The following ZNF846 variants were observed in gnomAD, a reference collection of about 807,000 sequenced individuals.
ZNF846 encodes zinc finger protein 420 pseudogene.
ZNF846 carries 15 observed loss-of-function variants against 16.0 expected under a neutral mutation model. The observed-to-expected ratio is 0.94, with a 90% confidence interval of 0.63 to 1.45. The LOEUF is 1.45. Among genes scored for constraint, ZNF846 ranks in the 40% most tolerant of loss-of-function variants. ZNF846 has a pLI of 0.00. For missense variants in ZNF846, 714 were observed against 622.3 expected, an observed-to-expected ratio of 1.15 and a Z score of -1.57; for synonymous variants, 229 against 212.0, an observed-to-expected ratio of 1.08 and a Z score of -0.70.
intron 1 of ZNF846, chr19:9,774,733 C>T: frequency 3.9e-6 from 6 of 1,548,710 alleles, no homozygotes; most frequent in South Asian, 1.1e-5. Flanking sequence ...ACCCAAATAT[C>T]GACGAAAAGG....
downstream of ZNF846, among the ~76,000 whole-genome samples, chr19:9,751,102 T>C (rs2045080296): frequency 6.6e-6 from 1 of 152,088 alleles, no homozygotes; most frequent in African/African-American, 2.4e-5. Flanking sequence ...ATACCTGTCT[T>C]CCTCCTTCTC....
chr19:9,774,800 G>A (rs1260947257), intron 1 of ZNF846: 6 of 1,600,138 alleles, frequency 3.7e-6, no homozygotes, highest in South Asian at 3.3e-5. Flanking sequence ...AACCAAAACC[G>A]ACCAAGTAAT....
chr19:9,759,812 T>C (rs1397809874), intron 5 of ZNF846, 48 bp downstream of exon 5: 1 of 1,411,868 alleles, frequency 7.1e-7, no homozygotes, highest in African/African-American at 1.5e-5. Flanking sequence ...TCATGAATAT[T>C]GTGCTTCTTG....
chr19:9,749,063 C>T (rs1484903542), downstream of ZNF846, among the ~76,000 whole-genome samples: 2 of 152,122 alleles, frequency 1.3e-5, no homozygotes, highest in South Asian at 2.1e-4. Flanking sequence ...GGACCCTCCC[C>T]ATTGGGTTCA....
At chr19:9,779,873 A>G (rs1447728360) in intron 1 of ZNF846, among the ~76,000 whole-genome samples, 1 of 148,866 alleles carries the variant, frequency 6.7e-6, no homozygotes, top group Non-Finnish European at 1.5e-5. Context: ...ACGCCCGGCC[A>G]TCACGACTTT....
chr19:9,756,303 G>A (rs191146087), downstream of ZNF846: 11 of 142,132 alleles, frequency 7.7e-5, no homozygotes, highest in East Asian at 2.0e-3. Flanking sequence ...ATACATACGT[G>A]TGTGTATGTG....
downstream of ZNF846, among the ~76,000 whole-genome samples, chr19:9,755,190 TG>T (rs1309957115): frequency 6.6e-6 from 1 of 151,494 alleles, no homozygotes; most frequent in African/African-American, 2.4e-5. Context: ...TAACATCCAC[TG>T]TACAGTCCAC....
At chr19:9,774,532 G>C in intron 1 of ZNF846, 1 of 1,374,650 alleles carries the variant, frequency 7.3e-7, no homozygotes, top group Non-Finnish European at 1.0e-6. Flanking sequence ...AGAGCTTGAG[G>C]AAATCTGCAA....
At chr19:9,776,446 G>C (rs1430259906) in intron 1 of ZNF846, among the ~76,000 whole-genome samples, 1 of 152,216 alleles carries the variant, frequency 6.6e-6, no homozygotes, top group African/African-American at 2.4e-5. Context: ...GGCATAAGCT[G>C]TCTTTCTCTC....
downstream of ZNF846, among the ~76,000 whole-genome samples, chr19:9,754,017 C>A (rs1273147311): frequency 6.6e-6 from 1 of 151,496 alleles, no homozygotes; most frequent in Non-Finnish European, 1.5e-5. Context: ...GTCTATTTTT[C>A]CCTTTAATTT....
intron 1 of ZNF846, among the ~76,000 whole-genome samples, chr19:9,781,079 C>T (rs962775699): frequency 5.9e-5 from 9 of 152,182 alleles, no homozygotes; most frequent in African/African-American, 2.2e-4. Flanking sequence ...TCCTACACAT[C>T]TTTCAGAACT....
chr19:9,755,467 G>C (rs1179019457), downstream of ZNF846: 1 of 151,418 alleles, frequency 6.6e-6, no homozygotes. Flanking sequence ...TATTCTTCCA[G>C]TGAGTATTTT....
downstream of ZNF846, chr19:9,757,408 T>G: frequency 6.1e-6 from 8 of 1,318,702 alleles, no homozygotes; most frequent in Non-Finnish European, 8.3e-6. Context: ...GTTGTTCATA[T>G]TCTTTACCTT....
chr19:9,782,798 A>T (rs1287807567), intron 1 of ZNF846, among the ~76,000 whole-genome samples: 1 of 152,238 alleles, frequency 6.6e-6, no homozygotes, highest in African/African-American at 2.4e-5. Flanking sequence ...ATAGGACACC[A>T]TATGCATTTG....
downstream of ZNF846, among the ~76,000 whole-genome samples, chr19:9,754,812 TC>T (rs1255637459): frequency 2.0e-5 from 3 of 151,398 alleles, no homozygotes; most frequent in East Asian, 1.9e-4. Flanking sequence ...CATCTTTTTT[TC>T]GTCTCATTTT....
At chr19:9,749,634 C>CCAG (rs2045068952), downstream of ZNF846, among the ~76,000 whole-genome samples, 1 of 150,774 alleles carries the variant, frequency 6.6e-6, no homozygotes, top group African/African-American at 2.4e-5. Context: ...CTAGTTACCT[C>CCAG]CAGCATAGTA....
At chr19:9,783,539 A>AT (rs1475513810) in intron 1 of ZNF846, among the ~76,000 whole-genome samples, 186 of 123,926 alleles carry the variant, frequency 1.5e-3, no homozygotes, top group South Asian at 5.8e-3. Context: ...AAAAAAAAAA[A>AT]AAAAAATATA....
chr19:9,776,084 G>T (rs4254426), intron 1 of ZNF846, among the ~76,000 whole-genome samples: 1 of 152,250 alleles, frequency 6.6e-6, no homozygotes, highest in Non-Finnish European at 1.5e-5. Flanking sequence ...CCTTGGTCTA[G>T]CGGTAATGCC....
chr19:9,751,763 G>C (rs2045085544), downstream of ZNF846, among the ~76,000 whole-genome samples: 1 of 151,942 alleles, frequency 6.6e-6, no homozygotes, highest in Non-Finnish European at 1.5e-5. Context: ...CCCCACTCTT[G>C]AGAATGTACT....
Sources: gnomAD v4.1 joint callset for allele counts (sites outside exome capture counted in the v4.1 genomes callset) on GRCh38, gnomAD v4.1.1 for gene constraint, MANE v1.5 for transcripts, NCBI Gene and HGNC (gene_info 2026-07-23, HGNC 2026-07-21) for gene names.